RERG: variants seen among roughly 807,000 people sequenced by gnomAD.
The protein encoded by RERG is ras-related and estrogen-regulated growth inhibitor.
RERG carries 25 observed loss-of-function variants against 23.2 expected under a neutral mutation model. The observed-to-expected ratio is 1.08, with a 90% CI of 0.79 to 1.50. RERG has a LOEUF of 1.50. Ranked by LOEUF, RERG falls within the 40% of genes most tolerant of loss-of-function variation. RERG has a pLI of 0.00. For missense variants in RERG, 253 were observed against 250.1 expected (o/e 1.01, Z -0.08); for synonymous variants, 81 against 89.1 (o/e 0.91, Z 0.51).
chr12:15,111,686 CTTTTTT>C (rs11296760), intron 3 of RERG, among the ~76,000 whole-genome samples: 2 of 127,964 alleles, frequency 1.6e-5, no homozygotes, highest in Non-Finnish European at 1.7e-5. Context: ...CTATACTTTC[CTTTTTT>C]TTTTTTTTTT....
chr12:15,131,719 T>C (rs1187522150), intron 2 of RERG, among the ~76,000 whole-genome samples: 1 of 152,156 alleles, frequency 6.6e-6, no homozygotes, highest in Non-Finnish European at 1.5e-5. Flanking sequence ...ATCTTACAAG[T>C]TACTCTCTTC....
chr12:15,157,251 G>A (rs1434845349), intron 2 of RERG, among the ~76,000 whole-genome samples: 3 of 152,222 alleles, frequency 2.0e-5, no homozygotes, highest in Non-Finnish European at 4.4e-5. Flanking sequence ...GGGCATACCA[G>A]AATAGCTTAG....
chr12:15,166,540 GGTA>G (rs774698681), intron 2 of RERG, among the ~76,000 whole-genome samples: 13 of 135,472 alleles, frequency 9.6e-5, no homozygotes, highest in East Asian at 4.5e-4. Context: ...TGGTGGTGGT[GGTA>G]GTGGTGTTGG....
rs555806387 is a variant in RERG at position 15,193,979 on chromosome 12, C to T, written c.61+23450G>A. On this transcript the variant is annotated intron_variant, in intron 2 of 4. Coordinates refer to ENST00000256953, the MANE Select transcript of RERG (RefSeq NM_032918.3). ...TCTTTTTATTCTTACTTTCCCATCCCTCCCTCCAAAAGGATTTGAATGTGA... is the reference window on the plus strand; with the variant it reads ...TCTTTTTATTCTTACTTTCCCATCCTTCCCTCCAAAAGGATTTGAATGTGA... Among the ~76,000 whole-genome samples, 7 of 152,178 alleles carry T rather than the reference C, an allele frequency of 4.6e-5. No individual in the cohort carries two copies. The South Asian group carries it at 1.5e-3, about 32-fold the overall frequency.
intron 3 of RERG, among the ~76,000 whole-genome samples, chr12:15,115,690 G>A (rs919467572): frequency 6.6e-6 from 1 of 152,088 alleles, no homozygotes; most frequent in Non-Finnish European, 1.5e-5. Context: ...CTGTAAGCCG[G>A]TGGTTTTGTA....
intron 2 of RERG, among the ~76,000 whole-genome samples, chr12:15,146,203 A>C (rs1864330007): frequency 6.6e-6 from 1 of 152,250 alleles, no homozygotes; most frequent in African/African-American, 2.4e-5. Flanking sequence ...AATAAACTTT[A>C]AATGTTTCAA....
At chr12:15,208,050 C>T (rs1300471575) in intron 2 of RERG, among the ~76,000 whole-genome samples, 2 of 152,062 alleles carry the variant, frequency 1.3e-5, no homozygotes, top group Admixed American at 6.5e-5. Flanking sequence ...AAGGAGACTA[C>T]CCCTGATAAT....
chr12:15,217,389 CCACA>C, intron 2 of RERG, 36 bp downstream of exon 2: 6 of 1,274,276 alleles, frequency 4.7e-6, no homozygotes, highest in Non-Finnish European at 6.8e-6. Context: ...ACACACTCAC[CCACA>C]CACACACACT....
At position 15,109,267 on chromosome 12, in the gene RERG, G is replaced by A; in HGVS notation, c.443C>T (p.Ser148Phe). ...GATGTTCCCTTCTCCAGTGCAGGCAGAGCACTCGTAAAAAGCACAAGCCAA... is the reference window on the plus strand; with the variant it reads ...GATGTTCCCTTCTCCAGTGCAGGCAAAGCACTCGTAAAAAGCACAAGCCAA... Reference protein sequence around the residue: ...TELACAFYECSACTGEGNITE... With the variant: ...TELACAFYECFACTGEGNITE... The change falls in exon 5 of 5, where the codon TCT becomes TTT. Residue 148 changes from serine to phenylalanine, a missense_variant. Ser to Phe is a radical substitution (Grantham distance 155, BLOSUM62 -2). Transcript: ENST00000256953. 2 of 1,614,134 alleles carry A rather than the reference G, an allele frequency of 1.2e-6. No individual in the cohort carries two copies. Among genetic ancestry groups the A allele is most frequent in the South Asian group, 1.1e-5 (1 of 91,078 alleles).
At chr12:15,136,229 G>A (rs1565514621) in intron 2 of RERG, among the ~76,000 whole-genome samples, 1 of 151,836 alleles carries the variant, frequency 6.6e-6, no homozygotes, top group Non-Finnish European at 1.5e-5. Context: ...CAATGTCCAT[G>A]GGCTCTGTCG....
At chr12:15,157,314 G>A (rs1187258581) in intron 2 of RERG, among the ~76,000 whole-genome samples, 1 of 151,490 alleles carries the variant, frequency 6.6e-6, no homozygotes. Flanking sequence ...GCTTTAAAAT[G>A]TTTTGTAATG....
chr12:15,208,304 T>C (rs1158647952), intron 2 of RERG, among the ~76,000 whole-genome samples: 1 of 152,116 alleles, frequency 6.6e-6, no homozygotes. Flanking sequence ...CCCTGACTAA[T>C]ACAGTTGTGC....
At chr12:15,205,449 T>G (rs987461061) in intron 2 of RERG, among the ~76,000 whole-genome samples, 1 of 152,046 alleles carries the variant, frequency 6.6e-6, no homozygotes, top group African/African-American at 2.4e-5. Flanking sequence ...AAGAAGTAGA[T>G]TCAAGATACG....
rs1455292766 is a variant in RERG, at chr12:15,109,238, CTG to C, written c.470_471del (p.Thr157ArgfsTer5). On this transcript the variant is annotated frameshift_variant, in exon 5 of 5. Coordinates refer to ENST00000256953, the MANE Select transcript of RERG (RefSeq NM_032918.3). LOFTEE classifies it high-confidence loss of function. Reference protein sequence around the residue: ...CSACTGEGNITEIFYELCREV... With the variant: ...CSACTGEGNIXEIFYELCREV... ...TCTCGACACAATTCATAGAATATCT[CTG>C]TGATGTTCCCTTCTCCAGTGCAGGC... The C allele has an allele frequency of 1.2e-6, 2 of 1,614,076 alleles. No homozygotes were observed. Among genetic ancestry groups the C allele is most frequent in the Non-Finnish European group, 1.7e-6 (2 of 1,180,026 alleles).
At chr12:15,196,349 T>C (rs942357779) in intron 2 of RERG, among the ~76,000 whole-genome samples, 9 of 152,180 alleles carry the variant, frequency 5.9e-5, no homozygotes, top group Non-Finnish European at 1.3e-4. Flanking sequence ...GGCTTCAGCT[T>C]CCTGAACTGA....
At chr12:15,175,255 T>C (rs930440773) in intron 2 of RERG, among the ~76,000 whole-genome samples, 5 of 151,856 alleles carry the variant, frequency 3.3e-5, no homozygotes, top group African/African-American at 1.2e-4. Flanking sequence ...TCAGTTACGT[T>C]GTTAATCAGC....
In RERG at chr12:15,108,946, T is replaced by A. The variant is rs535543021; in HGVS notation, c.*164A>T. On this transcript the variant is annotated 3_prime_UTR_variant, in exon 5 of 5. Coordinates refer to ENST00000256953, the MANE Select transcript of RERG (RefSeq NM_032918.3). ...AGAAATTGTTAGCACTGAAATTGCA[T>A]AAAACACGCTAAAACTTCCCAACCT... The A allele has an allele frequency of 1.7e-5, 11 of 649,678 alleles. No homozygotes were observed. Among genetic ancestry groups the A allele is most frequent in the South Asian group, 1.4e-4 (6 of 43,210 alleles). 40.2% of individuals were successfully genotyped at this position (649,678 alleles called of 1,614,324 possible).
chr12:15,213,998 G>C (rs529078871), intron 2 of RERG, among the ~76,000 whole-genome samples: 1 of 8,904 alleles, frequency 1.1e-4, no homozygotes, highest in Admixed American at 6.3e-4. Flanking sequence ...GAGAAAGTAT[G>C]TGTGTGTGTG....
chr12:15,149,515 G>C (rs1455905334), intron 2 of RERG, among the ~76,000 whole-genome samples: 1 of 152,172 alleles, frequency 6.6e-6, no homozygotes, highest in Non-Finnish European at 1.5e-5. Context: ...TTCTGATGGG[G>C]AGAAAGATGT....
Sources: allele counts gnomAD v4.1 joint callset (sites outside exome capture counted in the v4.1 genomes callset), GRCh38; gene constraint gnomAD v4.1.1; transcripts MANE v1.5; gene names NCBI Gene and HGNC (gene_info 2026-07-23, HGNC 2026-07-21).